PSMD14: variants seen among roughly 807,000 people sequenced by gnomAD.
PSMD14 encodes proteasome 26S subunit, non-ATPase 14.
PSMD14 carries 7 observed loss-of-function variants against 41.2 expected under a neutral mutation model. The ratio of observed to expected loss-of-function variants is 0.17; its 90% CI spans 0.10 to 0.32. The LOEUF is 0.32. Among genes scored for constraint, PSMD14 ranks in the 10% least tolerant of loss-of-function variants. The pLI is 1.00. For synonymous variants in PSMD14, 114 were observed against 122.3 expected (o/e 0.93, Z 0.45); for missense variants, 139 against 375.6 (o/e 0.37, Z 5.21).
intron 10 of PSMD14, among the ~76,000 whole-genome samples, chr2:161,402,143 G>A (rs139010832): frequency 9.3e-4 from 141 of 152,270 alleles, no homozygotes; most frequent in African/African-American, 3.1e-3. Context: ...CGCATTGCCA[G>A]TTCCACTGCC....
At chr2:161,357,303 A>G (rs1683221638) in intron 3 of PSMD14, among the ~76,000 whole-genome samples, 1 of 152,122 alleles carries the variant, frequency 6.6e-6, no homozygotes. Context: ...TGCAGAATTC[A>G]TAACAGGTTT....
At chr2:161,389,849 A>T (rs1683683416) in intron 8 of PSMD14, among the ~76,000 whole-genome samples, 1 of 107,488 alleles carries the variant, frequency 9.3e-6, no homozygotes, top group Non-Finnish European at 2.0e-5. Flanking sequence ...AGAAACTTGG[A>T]CAAATTAATA....
At position 161,366,387 on chromosome 2, in the gene PSMD14, AACACACAC is replaced by A. The variant is rs36202166; in HGVS notation, c.49-1063_49-1056del. ...AAAACAATACAAAGTAATAGAATTT[AACACACAC>A]ACACACACACACACACACACACACA... On this transcript the variant is annotated intron_variant, in intron 3 of 11. Coordinates refer to ENST00000409682, the MANE Select transcript of PSMD14 (RefSeq NM_005805.6). Among the ~76,000 whole-genome samples the A allele has an allele frequency of 2.5e-3, 365 of 148,450 alleles. 2 individuals carry two copies. The highest frequency in any genetic ancestry group is 6.3e-3 in the African/African-American group (257 of 40,652).
At chr2:161,377,409 T>C (rs1683518108) in intron 7 of PSMD14, among the ~76,000 whole-genome samples, 1 of 151,902 alleles carries the variant, frequency 6.6e-6, no homozygotes, top group South Asian at 2.1e-4. Context: ...TATTATCAGT[T>C]TGAAGTTTTA....
At chr2:161,394,309 G>A (rs1287169064) in intron 9 of PSMD14, among the ~76,000 whole-genome samples, 1 of 151,918 alleles carries the variant, frequency 6.6e-6, no homozygotes, top group Non-Finnish European at 1.5e-5. Context: ...AGATTTTCAT[G>A]GCTTTTCATC....
chr2:161,372,535 C>T (rs187838229), intron 7 of PSMD14, among the ~76,000 whole-genome samples: 4 of 152,048 alleles, frequency 2.6e-5, no homozygotes, highest in South Asian at 2.1e-4. Context: ...GAGGCAAAAA[C>T]TATCCACAAA....
intron 2 of PSMD14, among the ~76,000 whole-genome samples, chr2:161,317,832 C>A (rs1332271247): frequency 6.6e-6 from 1 of 152,156 alleles, no homozygotes; most frequent in Non-Finnish European, 1.5e-5. Context: ...ATACCATTTT[C>A]TTAAGCATAC....
intron 3 of PSMD14, among the ~76,000 whole-genome samples, chr2:161,357,674 A>G (rs951352403): frequency 3.9e-5 from 6 of 152,180 alleles, no homozygotes; most frequent in African/African-American, 1.4e-4. Context: ...AAGTTTTAGC[A>G]GCAGACTGTG....
intron 5 of PSMD14, among the ~76,000 whole-genome samples, chr2:161,368,574 A>G (rs2105256694): frequency 6.6e-6 from 1 of 152,176 alleles, no homozygotes; most frequent in Middle Eastern, 3.4e-3. Flanking sequence ...CTGAAAGAAA[A>G]TAGCCAAAAA....
intron 3 of PSMD14, among the ~76,000 whole-genome samples, chr2:161,339,494 GA>G (rs1372073123): frequency 1.6e-3 from 180 of 115,434 alleles, no homozygotes; most frequent in African/African-American, 5.3e-3. Context: ...TTTTGTTAAT[GA>G]ATTTTTTTTT....
chr2:161,357,088 T>TTTTTTTTTTTTTTTTTTTTTTTTTTTTC (rs1683218463), intron 3 of PSMD14, among the ~76,000 whole-genome samples: 1 of 150,166 alleles, frequency 6.7e-6, no homozygotes, highest in Non-Finnish European at 1.5e-5. Context: ...TTTTTTTTTT[T>TTTTTTTTTTTTTTTTTTTTTTTTTTTTC]AGCACTTAGT....
intron 3 of PSMD14, among the ~76,000 whole-genome samples, chr2:161,362,695 G>A (rs868050623): frequency 1.2e-4 from 18 of 152,282 alleles, no homozygotes; most frequent in Admixed American, 4.6e-4. Context: ...GCCATCTAAT[G>A]TTGCAAATAA....
chr2:161,310,029 C>T (rs538033475), intron 1 of PSMD14, among the ~76,000 whole-genome samples: 2 of 152,240 alleles, frequency 1.3e-5, no homozygotes, highest in African/African-American at 2.4e-5. Flanking sequence ...GGCATGGTGG[C>T]ACGTGCCTGT....
intron 3 of PSMD14, among the ~76,000 whole-genome samples, chr2:161,350,969 T>TGAAATA (rs1329743351): frequency 3.9e-5 from 6 of 152,228 alleles, no homozygotes; most frequent in African/African-American, 1.2e-4. Flanking sequence ...TCAGCCTTCC[T>TGAAATA]ATAATCCTGT....
chr2:161,349,038 G>A (rs1056594370), intron 3 of PSMD14, among the ~76,000 whole-genome samples: 1 of 152,108 alleles, frequency 6.6e-6, no homozygotes, highest in Admixed American at 6.5e-5. Flanking sequence ...ATCTTAGGCC[G>A]AAGACAGATC....
intron 3 of PSMD14, among the ~76,000 whole-genome samples, chr2:161,365,013 G>T (rs1000261902): frequency 6.6e-6 from 1 of 152,090 alleles, no homozygotes; most frequent in African/African-American, 2.4e-5. Context: ...GCTGAGACAG[G>T]AAGAGACGCT....
At chr2:161,377,087 A>C (rs1260757582) in intron 7 of PSMD14, among the ~76,000 whole-genome samples, 1 of 151,918 alleles carries the variant, frequency 6.6e-6, no homozygotes, top group Admixed American at 6.6e-5. Flanking sequence ...TTAGAGCTAG[A>C]GTTCAAGTTT....
At chr2:161,339,728 G>A (rs1250881591) in intron 3 of PSMD14, among the ~76,000 whole-genome samples, 5 of 152,258 alleles carry the variant, frequency 3.3e-5, no homozygotes, top group Admixed American at 2.0e-4. Context: ...TTGGGGACAC[G>A]TGGCTCTGTG....
intron 3 of PSMD14, among the ~76,000 whole-genome samples, chr2:161,334,791 G>GAGCTCAAGTGATTCTCCCTCCTC (rs1380273697): frequency 6.6e-6 from 1 of 152,242 alleles, no homozygotes; most frequent in East Asian, 1.9e-4. Context: ...GCGAACTCCT[G>GAGCTCAAGTGATTCTCCCTCCTC]AGCTCAAGTG....
Sources: gnomAD v4.1 joint callset for allele counts (sites outside exome capture counted in the v4.1 genomes callset) on GRCh38, gnomAD v4.1.1 for gene constraint, MANE v1.5 for transcripts, NCBI Gene and HGNC (gene_info 2026-07-23, HGNC 2026-07-21) for gene names.